Variants in MTMR7 observed in about 807,000 individuals in gnomAD.
MTMR7 encodes phosphatidylinositol-3-phosphate phosphatase MTMR7.
MTMR7 carries 76 observed loss-of-function variants against 81.2 expected under a neutral mutation model. The observed-to-expected ratio is 0.94, with a 90% confidence interval of 0.78 to 1.13. The LOEUF (loss-of-function observed/expected upper bound fraction) is 1.13. MTMR7 is among the 50% of genes most tolerant of loss of function. The probability of loss-of-function intolerance (pLI) is 0.00; values close to 1 mark genes in which losing one functional copy is unlikely to be tolerated. For synonymous variants in MTMR7, 372 were observed against 289.8 expected (o/e 1.28, Z -2.88); for missense variants, 1,044 against 820.0 (o/e 1.27, Z -3.34).
chr8:17,307,795 C>G (rs550434283), intron 10 of MTMR7, among the ~76,000 whole-genome samples: 1 of 151,706 alleles, frequency 6.6e-6, no homozygotes, highest in Non-Finnish European at 1.5e-5. Context: ...GACAAAAAAA[C>G]CAAACACCAC....
At chr8:17,301,646 CA>C (rs1817121355) in intron 13 of MTMR7, 1 of 153,970 alleles carries the variant, frequency 6.5e-6, no homozygotes, top group African/African-American at 2.4e-5. Context: ...CCATTGGAAA[CA>C]AAGTTATCCA....
chr8:17,403,704 A>G (rs975932506), intron 1 of MTMR7, among the ~76,000 whole-genome samples: 4 of 152,246 alleles, frequency 2.6e-5, no homozygotes, highest in African/African-American at 9.6e-5. Context: ...ATCCATGAAC[A>G]TGGAATATCT....
intron 7 of MTMR7, among the ~76,000 whole-genome samples, chr8:17,327,764 T>TA (rs1818763780): frequency 1.3e-5 from 2 of 152,226 alleles, no homozygotes; most frequent in Non-Finnish European, 2.9e-5. Context: ...TCTTAATTTG[T>TA]AAAAAATTGG....
At chr8:17,406,609 T>C (rs1821590479) in intron 1 of MTMR7, among the ~76,000 whole-genome samples, 1 of 150,946 alleles carries the variant, frequency 6.6e-6, no homozygotes, top group Non-Finnish European at 1.5e-5. Context: ...AAAGTTGCTA[T>C]ACGATTCACC....
At chr8:17,318,617 C>T (rs1353376709) in intron 7 of MTMR7, among the ~76,000 whole-genome samples, 1 of 152,152 alleles carries the variant, frequency 6.6e-6, no homozygotes. Flanking sequence ...CGCATCATGT[C>T]AGCTAATTCA....
chr8:17,387,436 A>G (rs1207122014), intron 1 of MTMR7, among the ~76,000 whole-genome samples: 1 of 152,250 alleles, frequency 6.6e-6, no homozygotes, highest in African/African-American at 2.4e-5. Flanking sequence ...AATTCACCCC[A>G]GTAATCTTGA....
chr8:17,375,994 C>G (rs767953804), intron 1 of MTMR7, among the ~76,000 whole-genome samples: 17 of 152,182 alleles, frequency 1.1e-4, no homozygotes, highest in Non-Finnish European at 2.5e-4. Flanking sequence ...TACACTGCCA[C>G]TGTGCAAACA....
At chr8:17,401,950 T>A (rs1418786164) in intron 1 of MTMR7, among the ~76,000 whole-genome samples, 2 of 152,194 alleles carry the variant, frequency 1.3e-5, no homozygotes, top group Non-Finnish European at 2.9e-5. Context: ...AACTATGGAA[T>A]GACAATACAA....
intron 1 of MTMR7, among the ~76,000 whole-genome samples, chr8:17,379,732 TC>T (rs1318813970): frequency 1.3e-5 from 2 of 152,040 alleles, no homozygotes; most frequent in African/African-American, 4.8e-5. Flanking sequence ...GCACTGTTAG[TC>T]TTTTGGGAAA....
chr8:17,355,482 A>G (rs1351347326), intron 4 of MTMR7, among the ~76,000 whole-genome samples: 1 of 152,206 alleles, frequency 6.6e-6, no homozygotes. Flanking sequence ...TTATAAAGCC[A>G]TAATAATCAT....
intron 1 of MTMR7, among the ~76,000 whole-genome samples, chr8:17,392,569 G>C (rs1162730625): frequency 1.3e-5 from 2 of 152,200 alleles, no homozygotes; most frequent in Non-Finnish European, 2.9e-5. Context: ...CAGGAATCTA[G>C]GGCGATGTCA....
intron 7 of MTMR7, among the ~76,000 whole-genome samples, chr8:17,319,349 G>A (rs529549748): frequency 2.0e-5 from 3 of 152,208 alleles, no homozygotes; most frequent in Non-Finnish European, 2.9e-5. Context: ...TGGTAGCTAT[G>A]ATACACATTG....
intron 1 of MTMR7, among the ~76,000 whole-genome samples, chr8:17,399,040 A>G (rs534421262): frequency 3.2e-4 from 48 of 152,238 alleles, no homozygotes; most frequent in Admixed American, 7.9e-4. Flanking sequence ...ATGGGGAAAA[A>G]CTGAAAGCCT....
At chr8:17,336,191 G>C (rs1819232223) in intron 6 of MTMR7, among the ~76,000 whole-genome samples, 4 of 151,954 alleles carry the variant, frequency 2.6e-5, no homozygotes, top group Admixed American at 2.6e-4. Flanking sequence ...CTTGGCTTGA[G>C]TCTATTCCAG....
At chr8:17,379,493 C>T (rs73208991) in intron 1 of MTMR7, among the ~76,000 whole-genome samples, 7,307 of 152,218 alleles carry the variant, frequency 0.048, 250 homozygotes, top group Non-Finnish European at 0.071. Flanking sequence ...TCCATTAGGC[C>T]GGATTGAGAA....
intron 5 of MTMR7, 73 bp downstream of exon 5, chr8:17,348,880 G>A (rs1377729178): frequency 6.4e-6 from 10 of 1,561,652 alleles, no homozygotes; most frequent in Non-Finnish European, 7.9e-6. Context: ...ACAGCAGAAG[G>A]CAGCTAGAAA....
rs1817784169 is a variant in MTMR7 at position 17,311,625 on chromosome 8, C to T, written c.987G>A (p.Glu329=). The T allele has an allele frequency of 6.2e-7, 1 of 1,614,116 alleles. No individual in the cohort carries two copies. Residue 329 remains glutamate, a synonymous_variant, in exon 9 of 14, where the codon GAG becomes GAA. Transcript: ENST00000180173. ...AGIFIAKAVS[E]EGASVLVHCS... is the part of the protein sequence containing the mutation. ...AGTGAACAAGCACACTTGCCCCTTC[C>T]TCTGACACTGCCTAGAAAACACACG... is the stretch of plus-strand genomic sequence containing the variant.
At chr8:17,323,757 C>G (rs1355887383) in intron 7 of MTMR7, among the ~76,000 whole-genome samples, 1 of 152,136 alleles carries the variant, frequency 6.6e-6, no homozygotes, top group East Asian at 1.9e-4. Context: ...ATCGAACTGC[C>G]AAACCCCACC....
intron 4 of MTMR7, among the ~76,000 whole-genome samples, chr8:17,356,840 C>T (rs1819905566): frequency 6.6e-6 from 1 of 152,244 alleles, no homozygotes; most frequent in Admixed American, 6.5e-5. Flanking sequence ...CACATCAATA[C>T]CAACCGTCGG....
Sources: gnomAD v4.1 joint callset for allele counts (sites outside exome capture counted in the v4.1 genomes callset) on GRCh38, gnomAD v4.1.1 for gene constraint, MANE v1.5 for transcripts, NCBI Gene and HGNC (gene_info 2026-07-23, HGNC 2026-07-21) for gene names.